The following XPOT variants were observed in gnomAD, a reference collection of about 807,000 sequenced individuals.
XPOT encodes the protein exportin for tRNA, also known as exportin-T.
XPOT carries 34 observed loss-of-function variants against 128.2 expected under a neutral mutation model. The observed-to-expected ratio is 0.27, with a 90% CI of 0.20 to 0.35. The LOEUF (loss-of-function observed/expected upper bound fraction) is 0.35, where lower values mean the gene tolerates loss of function less well. Among genes scored for constraint, XPOT ranks in the 10% least tolerant of loss-of-function variants. The pLI is 1.00. For synonymous variants in XPOT, 348 were observed against 394.3 expected (o/e 0.88, Z 1.39); for missense variants, 838 against 1,125.3 (o/e 0.74, Z 3.65).
chr12:64,438,643 T>G, intron 22 of XPOT, among the ~76,000 whole-genome samples: 1 of 151,942 alleles, frequency 6.6e-6, no homozygotes, highest in Non-Finnish European at 1.5e-5. Context: ...TTTTTTTTTT[T>G]TTGAGACAGA....
At chr12:64,441,706 A>T (rs1237949622) in intron 23 of XPOT, among the ~76,000 whole-genome samples, 2 of 151,856 alleles carry the variant, frequency 1.3e-5, no homozygotes, top group Non-Finnish European at 2.9e-5. Flanking sequence ...TTTTTTTGAG[A>T]TGGAGTCTCG....
rs371509691 is a variant in XPOT, at chr12:64,425,373, A to C, written c.1488A>C (p.Thr496=). 6.2e-7 allele frequency: 1 copy of C among 1,613,404 alleles called. No homozygotes were observed. Among genetic ancestry groups the C allele is most frequent in the African/African-American group, 1.3e-5 (1 of 74,918 alleles). Residue 496 remains threonine, a synonymous_variant, in exon 14 of 25, where the codon ACA becomes ACC. Coordinates refer to ENST00000332707, the MANE Select transcript of XPOT (RefSeq NM_007235.6). ...CAGGAGTCAGTTCCTATCAGCATAC[A>C]TCTGTGACATTGGAGTTCTTCGAAA... ...VTSGVSSYQH[T]SVTLEFFETV...
At position 64,430,087 on chromosome 12, in the gene XPOT, A is replaced by G; in HGVS notation, c.1776A>G (p.Gln592=). ...AGTCCTTACTGAGCAGCGATGATCA[A>G]CTTTTTATTTATGAGACAGCTGGAG... ...GHQSLLSSDD[Q]LFIYETAGVL... is the part of the protein sequence containing the mutation. The change falls in exon 17 of 25, where the codon CAA becomes CAG. Residue 592 remains glutamine (Q), a synonymous_variant. Coordinates refer to ENST00000332707, the MANE Select transcript of XPOT (RefSeq NM_007235.6). 6.2e-7 allele frequency: 1 copy of G among 1,612,518 alleles called. No homozygotes were observed. Among genetic ancestry groups the G allele is most frequent in the Non-Finnish European group, 8.5e-7 (1 of 1,179,462 alleles).
intron 5 of XPOT, 69 bp downstream of exon 5, chr12:64,418,184 G>A (rs2040105344): frequency 7.6e-7 from 1 of 1,312,702 alleles, no homozygotes; most frequent in Non-Finnish European, 1.1e-6. Flanking sequence ...CAAGAGTTTG[G>A]AACTTTACCT....
chr12:64,411,022 TAAA>T (rs1012223341), intron 2 of XPOT, among the ~76,000 whole-genome samples: 1 of 152,182 alleles, frequency 6.6e-6, no homozygotes, highest in Non-Finnish European at 1.5e-5. Flanking sequence ...TTTAAAGCAG[TAAA>T]AAACAATCCC....
chr12:64,436,394 A>C (rs1241403630), intron 22 of XPOT, among the ~76,000 whole-genome samples: 2 of 151,812 alleles, frequency 1.3e-5, no homozygotes, highest in African/African-American at 4.8e-5. Flanking sequence ...AGTAGCTGGG[A>C]CCACACAGAT....
At chr12:64,435,592 G>C in intron 21 of XPOT, 35 bp from the exon 22 acceptor site, 1 of 1,567,296 alleles carries the variant, frequency 6.4e-7, no homozygotes, top group Non-Finnish European at 8.7e-7. Context: ...AACAAGAATT[G>C]AATATATAGA....
At chr12:64,423,519 T>C (rs1411728849) in intron 11 of XPOT, among the ~76,000 whole-genome samples, 1 of 151,744 alleles carries the variant, frequency 6.6e-6, no homozygotes, top group Non-Finnish European at 1.5e-5. Context: ...AGTGGTGCCA[T>C]CTCAGCTCAC....
At chr12:64,407,567 C>A (rs1215110555) in intron 1 of XPOT, among the ~76,000 whole-genome samples, 1 of 151,706 alleles carries the variant, frequency 6.6e-6, no homozygotes, top group Non-Finnish European at 1.5e-5. Flanking sequence ...GGCATGTAAT[C>A]CAATTTGGGA....
At chr12:64,431,075 C>A (rs2040235269) in intron 17 of XPOT, among the ~76,000 whole-genome samples, 1 of 152,110 alleles carries the variant, frequency 6.6e-6, no homozygotes, top group African/African-American at 2.4e-5. Context: ...CTCCAAGTAG[C>A]TGGGATTGCA....
chr12:64,419,584 C>T (rs1368506760), intron 6 of XPOT, among the ~76,000 whole-genome samples: 1 of 152,230 alleles, frequency 6.6e-6, no homozygotes, highest in Non-Finnish European at 1.5e-5. Context: ...GTGGGGATTA[C>T]AGGCATGAGC....
intron 16 of XPOT, among the ~76,000 whole-genome samples, chr12:64,429,589 C>T (rs184449777): frequency 6.6e-5 from 10 of 151,974 alleles, no homozygotes; most frequent in Admixed American, 5.9e-4. Context: ...ACTACAGGTG[C>T]GCCACCACAC....
chr12:64,444,009 G>A (rs2040347712), intron 23 of XPOT, among the ~76,000 whole-genome samples: 1 of 152,054 alleles, frequency 6.6e-6, no homozygotes, highest in African/African-American at 2.4e-5. Flanking sequence ...AGACCATTCA[G>A]TTTACAGCTA....
chr12:64,419,935 T>A, intron 6 of XPOT, 135 bp from the exon 7 acceptor site: 1 of 694,430 alleles, frequency 1.4e-6, no homozygotes, highest in Non-Finnish European at 2.2e-6. Flanking sequence ...GGATATGATC[T>A]TAGAGCTGGT....
intron 23 of XPOT, among the ~76,000 whole-genome samples, chr12:64,444,447 A>T (rs998835605): frequency 3.9e-5 from 6 of 152,280 alleles, no homozygotes; most frequent in African/African-American, 1.4e-4. Context: ...AAAATATGGT[A>T]TATACATACA....
rs1387841876 is a variant in XPOT at position 64,439,179 on chromosome 12, C to G, written c.2734-65C>G. The stretch of plus-strand genomic sequence containing the variant: ...GCCTTTAAAGTGTACATGTATTGTT[C>G]CGATTCTTTTTAAGCTTATTAATGT... On this transcript the variant is annotated intron_variant, in intron 22 of 24. Coordinates refer to ENST00000332707, the MANE Select transcript of XPOT (RefSeq NM_007235.6). 9 of 1,462,234 alleles carry G rather than the reference C, an allele frequency of 6.2e-6. 1 individual carries two copies. In the Admixed American group the frequency reaches 1.3e-4, roughly 22 times the overall value. The allele number at this position is 1,462,234 out of a possible 1,614,324, so 90.6% of individuals were successfully genotyped here.
rs2040405325 is a variant in XPOT at position 64,450,719 on chromosome 12, G to T, written c.*2588G>T. On this transcript the variant is annotated 3_prime_UTR_variant, in exon 25 of 25. Coordinates refer to ENST00000332707, the MANE Select transcript of XPOT (RefSeq NM_007235.6). ...GTACTCAAATAATTGTCTCAAGAGA[G>T]GAAGGACAAAACTGTTACAAGCTGA... 6.6e-6 allele frequency: 1 copy of T among 152,186 alleles called. No homozygotes were observed. The highest frequency in any genetic ancestry group is 2.1e-4 in the South Asian group (1 of 4,836). The allele number at this position is 152,186 out of a possible 1,614,324, so 9.4% of individuals were successfully genotyped here.
intron 23 of XPOT, among the ~76,000 whole-genome samples, chr12:64,444,221 A>G (rs2040349937): frequency 1.3e-5 from 2 of 152,076 alleles, no homozygotes; most frequent in Non-Finnish European, 2.9e-5. Context: ...AGCCGTAGCA[A>G]TGTAGTTTTT....
intron 23 of XPOT, among the ~76,000 whole-genome samples, chr12:64,444,864 T>C (rs567493164): frequency 1.6e-4 from 24 of 152,052 alleles, no homozygotes; most frequent in Admixed American, 9.2e-4. Context: ...TTCCAGCTTC[T>C]TGGGAGGCTG....
Sources: gnomAD v4.1 joint callset for allele counts (sites outside exome capture counted in the v4.1 genomes callset) on GRCh38, gnomAD v4.1.1 for gene constraint, MANE v1.5 for transcripts, NCBI Gene and HGNC (gene_info 2026-07-23, HGNC 2026-07-21) for gene names.